PXDNL: variants seen among roughly 807,000 people sequenced by gnomAD.
PXDNL encodes peroxidasin like.
In PXDNL, 145 loss-of-function variants were observed where a neutral mutation model predicts 150.8. The ratio of observed to expected loss-of-function variants is 0.96; its 90% CI spans 0.84 to 1.10. The LOEUF (loss-of-function observed/expected upper bound fraction) is 1.10, where lower values mean the gene tolerates loss of function less well. PXDNL is among the 50% of genes least tolerant of loss of function. The pLI, the probability that PXDNL is intolerant of heterozygous loss-of-function variation, is 0.00. For synonymous variants in PXDNL, 757 were observed against 725.7 expected (o/e 1.04, Z -0.69); for missense variants, 2,087 against 1,873.9 (o/e 1.11, Z -2.10).
intron 19 of PXDNL, among the ~76,000 whole-genome samples, chr8:51,362,796 T>G (rs1419022327): frequency 7.9e-5 from 12 of 152,238 alleles, no homozygotes. Flanking sequence ...AAGCTAGCTT[T>G]ATGAAAACTA....
At chr8:51,606,900 A>G (rs1813846884) in intron 2 of PXDNL, among the ~76,000 whole-genome samples, 1 of 152,194 alleles carries the variant, frequency 6.6e-6, no homozygotes, top group Admixed American at 6.5e-5. Flanking sequence ...TGGCTCATAC[A>G]TGTGGTTACC....
intron 6 of PXDNL, 88 bp downstream of exon 6, chr8:51,483,555 G>T: frequency 2.5e-6 from 2 of 801,176 alleles, no homozygotes; most frequent in Non-Finnish European, 4.2e-6. Flanking sequence ...CACAGGAAAA[G>T]CAGGAGAAGG....
intron 17 of PXDNL, among the ~76,000 whole-genome samples, chr8:51,407,100 T>C (rs1808457249): frequency 6.6e-6 from 1 of 152,200 alleles, no homozygotes; most frequent in African/African-American, 2.4e-5. Context: ...CTCGGTACTA[T>C]TGGGTGGTAG....
rs537302276 is a variant in PXDNL, at chr8:51,662,694, T to A, written c.165-7934A>T. On this transcript the variant is annotated intron_variant, in intron 1 of 22. Coordinates refer to ENST00000356297, the MANE Select transcript of PXDNL (RefSeq NM_144651.5). ...TAAGCAAATACTACACCATTTTCCA[T>A]CAGAAATTTGAACAGCTACGGATTT... Among the ~76,000 whole-genome samples, 3 of 152,260 alleles carry A rather than the reference T, an allele frequency of 2.0e-5. No homozygotes were observed. The South Asian group carries it at 6.2e-4, about 32-fold the overall frequency.
intron 13 of PXDNL, among the ~76,000 whole-genome samples, chr8:51,425,137 A>G (rs930684541): frequency 6.6e-6 from 1 of 152,184 alleles, no homozygotes; most frequent in African/African-American, 2.4e-5. Context: ...TCCAGACCAA[A>G]TGTATTGCTC....
chr8:51,620,341 T>C (rs1221926077), intron 2 of PXDNL, among the ~76,000 whole-genome samples: 1 of 152,184 alleles, frequency 6.6e-6, no homozygotes, highest in Non-Finnish European at 1.5e-5. Flanking sequence ...ATATGTGAGA[T>C]GGAAAATAAA....
chr8:51,600,357 A>C (rs1813676031), intron 2 of PXDNL, among the ~76,000 whole-genome samples: 1 of 129,280 alleles, frequency 7.7e-6, no homozygotes, highest in Non-Finnish European at 1.6e-5. Context: ...TAGATAATAA[A>C]TTATATCTTG....
At chr8:51,320,511 T>G (rs1167655424) in intron 22 of PXDNL, among the ~76,000 whole-genome samples, 1 of 152,248 alleles carries the variant, frequency 6.6e-6, no homozygotes, top group Non-Finnish European at 1.5e-5. Flanking sequence ...GTTTACTTAC[T>G]GACATAAACT....
At chr8:51,391,729 G>A (rs1192485909) in intron 17 of PXDNL, among the ~76,000 whole-genome samples, 5 of 152,066 alleles carry the variant, frequency 3.3e-5, no homozygotes, top group African/African-American at 1.2e-4. Flanking sequence ...CTGTGCAGAA[G>A]CTCTTTAGTT....
chr8:51,332,569 T>C (rs1186609219), intron 21 of PXDNL, among the ~76,000 whole-genome samples: 1 of 150,758 alleles, frequency 6.6e-6, no homozygotes, highest in African/African-American at 2.5e-5. Flanking sequence ...TGCAAGAGCT[T>C]GTATCAAAAA....
intron 1 of PXDNL, among the ~76,000 whole-genome samples, chr8:51,751,960 G>C (rs1421805337): frequency 6.6e-6 from 1 of 152,134 alleles, no homozygotes; most frequent in Non-Finnish European, 1.5e-5. Flanking sequence ...AGATGAACAG[G>C]GGAGGAAGAG....
At chr8:51,578,146 GAGAA>G (rs140374482) in intron 3 of PXDNL, among the ~76,000 whole-genome samples, 2,597 of 81,788 alleles carry the variant, frequency 0.032, 276 homozygotes, top group African/African-American at 0.22. Context: ...GTGAGAGAGA[GAGAA>G]AGAAAGAGAA....
At chr8:51,414,864 G>A (rs1381028662) in intron 14 of PXDNL, among the ~76,000 whole-genome samples, 1 of 152,146 alleles carries the variant, frequency 6.6e-6, no homozygotes, top group Non-Finnish European at 1.5e-5. Flanking sequence ...GATATAACAT[G>A]CTCAAAATCA....
intron 17 of PXDNL, among the ~76,000 whole-genome samples, chr8:51,382,608 T>C (rs1474265668): frequency 6.6e-6 from 1 of 152,168 alleles, no homozygotes; most frequent in Non-Finnish European, 1.5e-5. Context: ...ATAGGCTTGA[T>C]TTTGTACAGC....
chr8:51,453,894 A>T (rs1047556439), intron 9 of PXDNL, 109 bp from the exon 10 acceptor site: 2 of 1,089,480 alleles, frequency 1.8e-6, no homozygotes, highest in African/African-American at 3.3e-5. Flanking sequence ...ATTCCTTTAA[A>T]CTAAAATATT....
At chr8:51,658,257 G>A (rs964476762) in intron 1 of PXDNL, among the ~76,000 whole-genome samples, 6 of 149,880 alleles carry the variant, frequency 4.0e-5, no homozygotes, top group Non-Finnish European at 5.9e-5. Context: ...TGGGAAGATC[G>A]CTTGGGCCCA....
At chr8:51,711,249 TG>T in intron 1 of PXDNL, among the ~76,000 whole-genome samples, 1 of 152,356 alleles carries the variant, frequency 6.6e-6, no homozygotes, top group Admixed American at 6.5e-5. Flanking sequence ...AGGATTCTCT[TG>T]CCTCAACCTC....
At chr8:51,370,022 G>C (rs955800821) in intron 19 of PXDNL, among the ~76,000 whole-genome samples, 1 of 152,198 alleles carries the variant, frequency 6.6e-6, no homozygotes, top group South Asian at 2.1e-4. Flanking sequence ...TACCCTACAC[G>C]TGCTACCAGG....
chr8:51,587,851 A>G (rs1300805272), intron 3 of PXDNL, among the ~76,000 whole-genome samples: 1 of 152,226 alleles, frequency 6.6e-6, no homozygotes, highest in East Asian at 1.9e-4. Flanking sequence ...TGTGTTCTAG[A>G]TACTAATTCT....
Sources: gnomAD v4.1 joint callset for allele counts (sites outside exome capture counted in the v4.1 genomes callset) on GRCh38, gnomAD v4.1.1 for gene constraint, MANE v1.5 for transcripts, NCBI Gene and HGNC (gene_info 2026-07-23, HGNC 2026-07-21) for gene names.